The following PACRG variants were observed in gnomAD, a reference collection of about 807,000 sequenced individuals.
PACRG encodes parkin coregulated gene protein.
Under a neutral mutation model 29.7 loss-of-function variants are expected in PACRG, and 29 were observed. That is an observed-to-expected ratio of 0.98 (90% CI 0.73 to 1.33). The LOEUF is 1.33. Ranked by LOEUF, PACRG falls within the 40% of genes most tolerant of loss-of-function variation. PACRG has a pLI of 0.00. For synonymous variants in PACRG, 116 were observed against 118.7 expected (o/e 0.98, Z 0.15); for missense variants, 279 against 316.2 (o/e 0.88, Z 0.89).
chr6:162,770,568 A>G (rs994443660), intron 1 of PACRG, among the ~76,000 whole-genome samples: 1 of 152,100 alleles, frequency 6.6e-6, no homozygotes, highest in Non-Finnish European at 1.5e-5. Context: ...TTGATGGCCA[A>G]CTGCAGGGGC....
At chr6:162,962,347 C>T (rs749014078) in intron 2 of PACRG, among the ~76,000 whole-genome samples, 1 of 152,086 alleles carries the variant, frequency 6.6e-6, no homozygotes, top group Non-Finnish European at 1.5e-5. Context: ...TGAATGAGTG[C>T]ATTTGTTTTT....
At chr6:162,845,249 A>G (rs1369454901) in intron 2 of PACRG, among the ~76,000 whole-genome samples, 5 of 152,170 alleles carry the variant, frequency 3.3e-5, no homozygotes, top group Non-Finnish European at 5.9e-5. Context: ...ACAAAACCCC[A>G]CTGACCCCAT....
At chr6:162,880,350 G>A (rs560259851) in intron 2 of PACRG, among the ~76,000 whole-genome samples, 12 of 152,306 alleles carry the variant, frequency 7.9e-5, no homozygotes, top group Middle Eastern at 3.4e-3. Context: ...GATCACTTAC[G>A]TGGCATTGGT....
intron 2 of PACRG, chr6:162,957,590 GACA>G (rs763269912): frequency 3.2e-5 from 6 of 184,964 alleles, no homozygotes; most frequent in Non-Finnish European, 6.7e-5. Flanking sequence ...AGTGCATGTA[GACA>G]ACGACGTCCA....
chr6:162,880,364 T>C (rs2128012285), intron 2 of PACRG, among the ~76,000 whole-genome samples: 1 of 152,356 alleles, frequency 6.6e-6, no homozygotes, highest in Non-Finnish European at 1.5e-5. Context: ...CATTGGTTTT[T>C]GATAGATTCA....
chr6:162,804,966 GCCTATTGCT>G (rs1786196291), intron 1 of PACRG, among the ~76,000 whole-genome samples: 11 of 152,156 alleles, frequency 7.2e-5, no homozygotes, highest in Admixed American at 7.2e-4. Context: ...ATGTGTTGTA[GCCTATTGCT>G]CCTGGGCTTC....
chr6:163,270,333 G>C (rs1156446074), intron 4 of PACRG, among the ~76,000 whole-genome samples: 1 of 151,960 alleles, frequency 6.6e-6, no homozygotes, highest in Non-Finnish European at 1.5e-5. Context: ...AAATACATAT[G>C]GCTTACTTAA....
At chr6:162,870,024 A>G (rs1792664275) in intron 2 of PACRG, among the ~76,000 whole-genome samples, 1 of 152,214 alleles carries the variant, frequency 6.6e-6, no homozygotes, top group Admixed American at 6.5e-5. Context: ...TCATTAAAAG[A>G]TGATCTGCCC....
intron 2 of PACRG, among the ~76,000 whole-genome samples, chr6:162,997,709 T>C (rs1804203276): frequency 6.6e-6 from 1 of 152,238 alleles, no homozygotes; most frequent in Non-Finnish European, 1.5e-5. Context: ...GAATGGGAGT[T>C]CCCATGTTCC....
intron 2 of PACRG, among the ~76,000 whole-genome samples, chr6:162,874,941 TCA>T (rs1311343555): frequency 3.3e-5 from 5 of 151,062 alleles, no homozygotes; most frequent in African/African-American, 7.3e-5. Context: ...ACACATACAC[TCA>T]CACAGTCACA....
intron 2 of PACRG, among the ~76,000 whole-genome samples, chr6:162,922,283 T>C (rs546412496): frequency 1.3e-5 from 2 of 148,318 alleles, no homozygotes; most frequent in Admixed American, 1.4e-4. Context: ...TTTCTGGTGG[T>C]CCCTGGATTG....
At chr6:163,085,456 A>G (rs1352990033) in intron 3 of PACRG, among the ~76,000 whole-genome samples, 1 of 152,210 alleles carries the variant, frequency 6.6e-6, no homozygotes, top group Non-Finnish European at 1.5e-5. Context: ...AAAAATCACT[A>G]CAGCCTCACC....
chr6:162,953,078 G>A (rs1163460111), intron 2 of PACRG, among the ~76,000 whole-genome samples: 1 of 152,016 alleles, frequency 6.6e-6, no homozygotes, highest in Admixed American at 6.5e-5. Flanking sequence ...TAAATATTTT[G>A]TGTGGTGAAA....
intron 4 of PACRG, among the ~76,000 whole-genome samples, chr6:163,118,456 A>C (rs1362077701): frequency 6.6e-6 from 1 of 152,206 alleles, no homozygotes; most frequent in Non-Finnish European, 1.5e-5. Context: ...CTAATTAAAC[A>C]CAAAAAAATA....
chr6:162,937,469 A>G (rs1798316028), intron 2 of PACRG, among the ~76,000 whole-genome samples: 2 of 152,114 alleles, frequency 1.3e-5, no homozygotes, highest in African/African-American at 4.8e-5. Flanking sequence ...GGAGGCCAAG[A>G]GACACCTATC....
At chr6:163,298,080 C>T (rs753942996) in intron 4 of PACRG, among the ~76,000 whole-genome samples, 1 of 152,060 alleles carries the variant, frequency 6.6e-6, no homozygotes, top group Non-Finnish European at 1.5e-5. Flanking sequence ...CTTATTGCAT[C>T]GACCAAAAAG....
intron 1 of PACRG, among the ~76,000 whole-genome samples, chr6:162,791,309 T>TC (rs1425394540): frequency 7.4e-6 from 1 of 134,436 alleles, no homozygotes; most frequent in Admixed American, 7.3e-5. Flanking sequence ...GTTTGTTTGT[T>TC]TGTTTTTTTT....
chr6:163,076,709 G>A (rs963065165), intron 3 of PACRG, among the ~76,000 whole-genome samples: 5 of 151,940 alleles, frequency 3.3e-5, no homozygotes, highest in African/African-American at 1.2e-4. Context: ...CTTTGTCTTC[G>A]CTCATTTTTC....
intron 1 of PACRG, among the ~76,000 whole-genome samples, chr6:162,762,269 G>C (rs760865467): frequency 2.6e-5 from 4 of 152,180 alleles, no homozygotes; most frequent in African/African-American, 4.8e-5. Flanking sequence ...GAGTTCAGCA[G>C]GTTGAGAATG....
Sources: allele counts gnomAD v4.1 joint callset (sites outside exome capture counted in the v4.1 genomes callset), GRCh38; gene constraint gnomAD v4.1.1; transcripts MANE v1.5; gene names NCBI Gene and HGNC (gene_info 2026-07-23, HGNC 2026-07-21).